MGA: variants seen among roughly 807,000 people sequenced by gnomAD.
MGA encodes MAX dimerization protein MGA.
In MGA, 40 loss-of-function variants were observed where a neutral mutation model predicts 261.1. The ratio of observed to expected loss-of-function variants is 0.15; its 90% confidence interval spans 0.12 to 0.20. MGA has a LOEUF of 0.20. Among genes scored for constraint, MGA ranks in the 10% least tolerant of loss-of-function variants. The probability of loss-of-function intolerance (pLI) is 1.00; values close to 1 mark genes in which losing one functional copy is unlikely to be tolerated. For synonymous variants in MGA, 1,302 were observed against 1,290.6 expected (o/e 1.01, Z -0.19); for missense variants, 3,397 against 3,630.5 (o/e 0.94, Z 1.65).
At chr15:41,712,803 T>C (rs1033049808) in intron 8 of MGA, among the ~76,000 whole-genome samples, 5 of 152,222 alleles carry the variant, frequency 3.3e-5, no homozygotes, top group African/African-American at 1.2e-4. Flanking sequence ...TCAGACGGTA[T>C]GTGTATGAAT....
chr15:41,628,057 G>A (rs944003856), intron 1 of MGA, among the ~76,000 whole-genome samples: 2 of 152,062 alleles, frequency 1.3e-5, no homozygotes, highest in Middle Eastern at 3.2e-3. Flanking sequence ...ATTATATTTT[G>A]GTAGACAATG....
Position 41,762,507 on chromosome 15 carries a change from G to GC in MGA, c.7744+148dup. The GC allele has an allele frequency of 7.0e-6, 4 of 570,510 alleles. No homozygotes were observed. The South Asian group carries it at 9.1e-5, about 13-fold the overall frequency. 35.3% of individuals were successfully genotyped at this position (570,510 alleles called of 1,614,324 possible). Reference sequence around the variant, plus strand: ...TTTTTTTTTTGGAGACAGCTCTGTCGCCCAGGCTGCAGTTGCAGTGATGTG... The same window carrying GC: ...TTTTTTTTTTGGAGACAGCTCTGTCGCCCCAGGCTGCAGTTGCAGTGATGTG... On this transcript the variant is annotated intron_variant, in intron 22 of 23. Transcript: ENST00000219905.
At chr15:41,751,179 T>C (rs1476682770) in intron 17 of MGA, 1 of 152,308 alleles carries the variant, frequency 6.6e-6, no homozygotes, top group Non-Finnish European at 1.5e-5. Context: ...TCTTCGTCCT[T>C]TGTAATATGA....
chr15:41,627,341 C>T (rs1275731464), intron 1 of MGA, among the ~76,000 whole-genome samples: 1 of 152,174 alleles, frequency 6.6e-6, no homozygotes, highest in Non-Finnish European at 1.5e-5. Context: ...GTAGTCATGT[C>T]TCCTTAGGAT....
chr15:41,678,759 T>TC (rs1227760854), intron 2 of MGA, among the ~76,000 whole-genome samples: 1 of 90,710 alleles, frequency 1.1e-5, no homozygotes, highest in Non-Finnish European at 2.5e-5. Flanking sequence ...AGAGCAAGAC[T>TC]CCATCTCAAA....
At position 41,641,925 on chromosome 15, in the gene MGA, A is replaced by G. The variant is rs574021286; in HGVS notation, c.-68+20627A>G. ...ATCCTCCTGACTCAGCCTCCCAAGT[A>G]GCTGGGACTACAGGTGCACGCCACC... On this transcript the variant is annotated intron_variant, in intron 1 of 8. Transcript: ENST00000566718. Among the ~76,000 whole-genome samples the G allele has an allele frequency of 2.0e-5, 3 of 152,092 alleles. No individual in the cohort carries two copies. In the South Asian group the frequency reaches 6.2e-4, roughly 32 times the overall value.
rs2063936218 is a variant in MGA, at chr15:41,769,150, A to T, written c.*1870A>T. On this transcript the variant is annotated 3_prime_UTR_variant, in exon 24 of 24. Coordinates refer to ENST00000219905, the MANE Select transcript of MGA (RefSeq NM_001164273.2). ...GCTAGTACTTTAATCCAGGTATAGC[A>T]GTTTCCCGTTATTTTCTTGCTTGTC... The T allele has an allele frequency of 6.6e-6, 1 of 152,624 alleles. No homozygotes were observed. The highest frequency in any genetic ancestry group is 2.1e-4 in the South Asian group (1 of 4,836). The allele number at this position is 152,624 out of a possible 1,614,324, so 9.5% of individuals were successfully genotyped here.
chr15:41,683,603 G>A (rs2058788540), intron 2 of MGA, among the ~76,000 whole-genome samples: 1 of 142,926 alleles, frequency 7.0e-6, no homozygotes, highest in Non-Finnish European at 1.5e-5. Flanking sequence ...TTTGGAGATA[G>A]GGTCTCACTT....
rs750624155 is a variant in MGA, at chr15:41,749,736, A to G, written c.6129A>G (p.Ala2043=). Reference sequence around the variant, plus strand: ...AATGCCTTCCAGAAGAAGGTTGTGCAACTGTCAAACCATCTGAGCATTCCT... The same window carrying G: ...AATGCCTTCCAGAAGAAGGTTGTGCGACTGTCAAACCATCTGAGCATTCCT... Residue 2043 remains alanine (A), a synonymous_variant, in exon 17 of 24, where the codon GCA becomes GCG. Coordinates refer to ENST00000219905, the MANE Select transcript of MGA (RefSeq NM_001164273.2). The G allele has an allele frequency of 4.3e-6, 7 of 1,614,038 alleles. No homozygotes were observed. The Admixed American group carries it at 1.0e-4, about 23-fold the overall frequency.
At chr15:41,644,847 A>G (rs1199753399) in intron 1 of MGA, among the ~76,000 whole-genome samples, 1 of 152,182 alleles carries the variant, frequency 6.6e-6, no homozygotes, top group Non-Finnish European at 1.5e-5. Context: ...GTTGGAGATA[A>G]TACGTTAACC....
At chr15:41,692,277 CTT>C (rs1420508613) in intron 2 of MGA, among the ~76,000 whole-genome samples, 1 of 152,184 alleles carries the variant, frequency 6.6e-6, no homozygotes, top group African/African-American at 2.4e-5. Flanking sequence ...TACATGTTCT[CTT>C]ATTTCCAGGC....
At chr15:41,650,421 A>G (rs1247755522) in intron 1 of MGA, among the ~76,000 whole-genome samples, 1 of 151,984 alleles carries the variant, frequency 6.6e-6, no homozygotes, top group Admixed American at 6.6e-5. Context: ...TCCTACCACT[A>G]TGCTTCTATA....
At chr15:41,695,103 A>AT (rs2059488790) in intron 2 of MGA, among the ~76,000 whole-genome samples, 1 of 151,734 alleles carries the variant, frequency 6.6e-6, no homozygotes, top group South Asian at 2.1e-4. Context: ...TTGTATGGAT[A>AT]TTTTGAGGTG....
At chr15:41,650,760 C>A (rs1281275635) in intron 1 of MGA, among the ~76,000 whole-genome samples, 1 of 152,088 alleles carries the variant, frequency 6.6e-6, no homozygotes, top group African/African-American at 2.4e-5. Flanking sequence ...TTTTGTATAC[C>A]TCTTATAAAT....
intron 3 of MGA, 118 bp from the exon 4 acceptor site, chr15:41,698,745 G>A (rs2059677537): frequency 1.9e-5 from 13 of 697,694 alleles, no homozygotes; most frequent in South Asian, 6.7e-5. Flanking sequence ...CAATGTTAGC[G>A]TAACTGTAGG....
rs1360682269 is a variant in MGA at position 41,769,443 on chromosome 15, A to G, written c.*2163A>G. ...GCGTTTTAGGGGGAAGGCTGCAGAT[A>G]CCATTCTAACCCCCAAGATACTGTG... On this transcript the variant is annotated 3_prime_UTR_variant, in exon 24 of 24. Transcript: ENST00000219905. 1.3e-5 allele frequency: 2 copies of G among 152,044 alleles called. No homozygotes were observed. Among genetic ancestry groups the G allele is most frequent in the Non-Finnish European group, 2.9e-5 (2 of 68,032 alleles). The allele number at this position is 152,044 out of a possible 1,614,324, so 9.4% of individuals were successfully genotyped here. A position where few individuals can be genotyped will look rare whatever the true frequency, so the allele number is the denominator to read the frequency against.
At chr15:41,713,938 T>C (rs915943865) in intron 9 of MGA, among the ~76,000 whole-genome samples, 2 of 152,202 alleles carry the variant, frequency 1.3e-5, no homozygotes, top group African/African-American at 4.8e-5. Context: ...CAAAGTAGGA[T>C]TGTGGTAAAG....
intron 1 of MGA, among the ~76,000 whole-genome samples, chr15:41,636,551 C>T (rs988052874): frequency 1.3e-5 from 2 of 151,210 alleles, no homozygotes; most frequent in African/African-American, 4.9e-5. Flanking sequence ...ACCTCCACCT[C>T]CTGGGTTGAA....
chr15:41,656,677 T>C (rs2057206944), upstream of MGA, among the ~76,000 whole-genome samples: 1 of 151,978 alleles, frequency 6.6e-6, no homozygotes, highest in African/African-American at 2.4e-5. Flanking sequence ...ATGTTGATTA[T>C]ATTCCGTAAC....
Sources: allele counts gnomAD v4.1 joint callset (sites outside exome capture counted in the v4.1 genomes callset), GRCh38; gene constraint gnomAD v4.1.1; transcripts MANE v1.5; gene names NCBI Gene and HGNC (gene_info 2026-07-23, HGNC 2026-07-21).